GALNT17: variants seen among roughly 807,000 people sequenced by gnomAD.
GALNT17 encodes UDP-GalNAc:polypeptide N-acetylgalactosaminyltransferase-like 3.
A neutral mutation model predicts 63.7 loss-of-function variants in GALNT17; 29 were observed. The ratio of observed to expected loss-of-function variants is 0.46; its 90% confidence interval spans 0.34 to 0.62. The LOEUF (loss-of-function observed/expected upper bound fraction) is 0.62. Ranked by LOEUF, GALNT17 falls within the 20% of genes least tolerant of loss-of-function variation. GALNT17 has a pLI of 0.01. For synonymous variants in GALNT17, 305 were observed against 318.3 expected, an observed-to-expected ratio of 0.96 and a Z score of 0.45; for missense variants, 603 against 799.6, an observed-to-expected ratio of 0.75 and a Z score of 2.97.
At chr7:71,185,332 A>G (rs1417794646) in intron 1 of GALNT17, among the ~76,000 whole-genome samples, 3 of 151,014 alleles carry the variant, frequency 2.0e-5, no homozygotes, top group African/African-American at 7.3e-5. Context: ...CAGCCTCCCA[A>G]GTAGCTGGGA....
intron 9 of GALNT17, among the ~76,000 whole-genome samples, chr7:71,703,905 C>A (rs1791688226): frequency 6.6e-6 from 1 of 152,108 alleles, no homozygotes; most frequent in Non-Finnish European, 1.5e-5. Flanking sequence ...AAGTAATATT[C>A]TCTGAAGGCA....
chr7:71,480,837 T>C (rs1446801879), intron 5 of GALNT17, among the ~76,000 whole-genome samples: 1 of 152,196 alleles, frequency 6.6e-6, no homozygotes, highest in Non-Finnish European at 1.5e-5. Flanking sequence ...TCAAGGATGT[T>C]GTCTTTCATC....
intron 9 of GALNT17, among the ~76,000 whole-genome samples, chr7:71,681,134 C>T (rs1335470087): frequency 6.6e-6 from 1 of 152,178 alleles, no homozygotes; most frequent in East Asian, 1.9e-4. Flanking sequence ...CTCCTGGCCT[C>T]AAGGGATCCT....
In GALNT17 at chr7:71,242,558, G is replaced by A. The variant is rs1199060586; in HGVS notation, c.239-92992G>A. Among the ~76,000 whole-genome samples, 5 of 152,208 alleles carry A rather than the reference G, an allele frequency of 3.3e-5. No individual in the cohort carries two copies. The South Asian group carries it at 8.3e-4, about 25-fold the overall frequency. Reference sequence around the variant, plus strand: ...GCTGGGATTACAGGTGTGAGCCACCGCGCCTGGTCAGGGATCACATTTCAA... The same window carrying A: ...GCTGGGATTACAGGTGTGAGCCACCACGCCTGGTCAGGGATCACATTTCAA... On this transcript the variant is annotated intron_variant, in intron 1 of 10. Transcript: ENST00000333538.
intron 2 of GALNT17, among the ~76,000 whole-genome samples, chr7:71,347,162 C>T (rs1392369204): frequency 6.6e-6 from 1 of 152,126 alleles, no homozygotes; most frequent in Non-Finnish European, 1.5e-5. Context: ...GTTCATCCCA[C>T]TTTTGCAGAT....
intron 5 of GALNT17, among the ~76,000 whole-genome samples, chr7:71,456,216 A>C (rs965398216): frequency 6.6e-6 from 1 of 152,104 alleles, no homozygotes; most frequent in Admixed American, 6.5e-5. Flanking sequence ...ACTGCACGCC[A>C]GCCTTGGTAA....
At chr7:71,690,605 T>C (rs950765921) in intron 9 of GALNT17, among the ~76,000 whole-genome samples, 1 of 152,180 alleles carries the variant, frequency 6.6e-6, no homozygotes, top group African/African-American at 2.4e-5. Context: ...CTGGCCAAAG[T>C]CCATGGAAAG....
At chr7:71,444,914 C>CG in intron 5 of GALNT17, among the ~76,000 whole-genome samples, 1 of 152,260 alleles carries the variant, frequency 6.6e-6, no homozygotes, top group Middle Eastern at 3.4e-3. Flanking sequence ...TCCAGGAGAA[C>CG]GCAGGCTTTG....
At chr7:71,525,869 G>C (rs11769677) in intron 5 of GALNT17, among the ~76,000 whole-genome samples, 1 of 149,692 alleles carries the variant, frequency 6.7e-6, no homozygotes, top group Non-Finnish European at 1.5e-5. Context: ...CTTCCTGACT[G>C]CTTGGGACTA....
intron 5 of GALNT17, among the ~76,000 whole-genome samples, chr7:71,468,842 T>G (rs576823000): frequency 6.6e-6 from 1 of 152,296 alleles, no homozygotes; most frequent in East Asian, 1.9e-4. Flanking sequence ...TATAATGCAT[T>G]CATTCATTCA....
At chr7:71,434,732 C>G (rs1358443888) in intron 5 of GALNT17, among the ~76,000 whole-genome samples, 1 of 152,144 alleles carries the variant, frequency 6.6e-6, no homozygotes, top group African/African-American at 2.4e-5. Context: ...GATTGTTCCA[C>G]TAGTAGAAAA....
chr7:71,633,751 A>G (rs1353366816), intron 6 of GALNT17, among the ~76,000 whole-genome samples: 1 of 152,332 alleles, frequency 6.6e-6, no homozygotes, highest in Admixed American at 6.5e-5. Context: ...CATCTCAGAG[A>G]CAAGCCTCTC....
chr7:71,263,784 C>T lies in GALNT17; in HGVS notation c.239-71766C>T, dbSNP rs926454990. 6.5e-4 allele frequency among the ~76,000 whole-genome samples: 98 copies of T among 151,492 alleles called. 1 individual carries two copies. Among genetic ancestry groups the T allele is most frequent in the Non-Finnish European group, 2.4e-4 (16 of 67,830 alleles). On this transcript the variant is annotated intron_variant, in intron 1 of 10. Coordinates refer to ENST00000333538, the MANE Select transcript of GALNT17 (RefSeq NM_022479.3). ...TAAAAAAATACAAAAAGTTAGCCGGCGTGGTGGCAGGCGCCTGTAGTCCTA... is the reference window on the plus strand; with the variant it reads ...TAAAAAAATACAAAAAGTTAGCCGGTGTGGTGGCAGGCGCCTGTAGTCCTA...
intron 1 of GALNT17, among the ~76,000 whole-genome samples, chr7:71,193,367 T>C (rs1477452126): frequency 6.6e-6 from 1 of 151,846 alleles, no homozygotes; most frequent in Non-Finnish European, 1.5e-5. Context: ...CCCAAAGTGC[T>C]GGGATTACAG....
At chr7:71,612,034 C>A (rs1233190751) in intron 6 of GALNT17, among the ~76,000 whole-genome samples, 1 of 152,194 alleles carries the variant, frequency 6.6e-6, no homozygotes, top group African/African-American at 2.4e-5. Flanking sequence ...CGGCATCATT[C>A]AGGCCAAAAT....
intron 5 of GALNT17, among the ~76,000 whole-genome samples, chr7:71,445,314 G>C (rs930929762): frequency 6.6e-6 from 1 of 151,382 alleles, no homozygotes; most frequent in Non-Finnish European, 1.5e-5. Flanking sequence ...GAGCAGCTGG[G>C]ATTACAGGTG....
At chr7:71,272,558 T>C (rs1484190750) in intron 1 of GALNT17, among the ~76,000 whole-genome samples, 1 of 152,040 alleles carries the variant, frequency 6.6e-6, no homozygotes, top group African/African-American at 2.4e-5. Context: ...CTTTTGTACA[T>C]GGAAGGGCAG....
intron 2 of GALNT17, among the ~76,000 whole-genome samples, chr7:71,368,807 A>G (rs1792562031): frequency 6.6e-6 from 1 of 152,046 alleles, no homozygotes; most frequent in Admixed American, 6.6e-5. Flanking sequence ...GTTAAGAAGG[A>G]AGAAACAGAT....
chr7:71,386,402 A>G (rs1792945662), intron 2 of GALNT17, among the ~76,000 whole-genome samples: 1 of 152,008 alleles, frequency 6.6e-6, no homozygotes, highest in Non-Finnish European at 1.5e-5. Flanking sequence ...ATATTGTGCA[A>G]TCTCCCATAA....
Sources: gnomAD v4.1 joint callset for allele counts (sites outside exome capture counted in the v4.1 genomes callset) on GRCh38, gnomAD v4.1.1 for gene constraint, MANE v1.5 for transcripts, NCBI Gene and HGNC (gene_info 2026-07-23, HGNC 2026-07-21) for gene names.